PCDH9: variants seen among roughly 807,000 people sequenced by gnomAD.
The protein encoded by PCDH9 is protocadherin-9.
PCDH9 carries 24 observed loss-of-function variants against 70.6 expected under a neutral mutation model. The observed-to-expected ratio is 0.34, with a 90% CI of 0.25 to 0.48. The LOEUF (loss-of-function observed/expected upper bound fraction) is 0.48, where lower values mean the gene tolerates loss of function less well. Among genes scored for constraint, PCDH9 ranks in the 20% least tolerant of loss-of-function variants. The pLI, the probability that PCDH9 is intolerant of heterozygous loss-of-function variation, is 0.99. For synonymous variants in PCDH9, 562 were observed against 558.5 expected, an observed-to-expected ratio of 1.01 and a Z score of -0.09; for missense variants, 1,281 against 1,503.6, an observed-to-expected ratio of 0.85 and a Z score of 2.45.
intron 4 of PCDH9, among the ~76,000 whole-genome samples, chr13:66,576,954 A>C (rs952551331): frequency 1.3e-5 from 2 of 152,028 alleles, no homozygotes; most frequent in Non-Finnish European, 2.9e-5. Flanking sequence ...CTATAATATC[A>C]AACTATATAT....
intron 3 of PCDH9, among the ~76,000 whole-genome samples, chr13:66,661,467 G>C (rs1187645261): frequency 2.0e-5 from 3 of 152,142 alleles, no homozygotes; most frequent in Admixed American, 6.6e-5. Flanking sequence ...TGTTTTCAAT[G>C]TGCGGCTTCA....
intron 4 of PCDH9, among the ~76,000 whole-genome samples, chr13:66,583,483 G>A (rs1014029339): frequency 1.3e-5 from 2 of 151,776 alleles, no homozygotes; most frequent in East Asian, 3.9e-4. Context: ...TTGGGGGGAC[G>A]CGCCTATAGT....
At chr13:66,812,669 C>T (rs551581847) in intron 3 of PCDH9, among the ~76,000 whole-genome samples, 9 of 152,250 alleles carry the variant, frequency 5.9e-5, no homozygotes, top group African/African-American at 9.6e-5. Flanking sequence ...TCTAGGTATG[C>T]AATGTTGTTT....
At chr13:67,074,781 T>C (rs2085844551) in intron 2 of PCDH9, among the ~76,000 whole-genome samples, 1 of 152,094 alleles carries the variant, frequency 6.6e-6, no homozygotes, top group Non-Finnish European at 1.5e-5. Flanking sequence ...AAACAAGAAT[T>C]ATACAAGCAT....
intron 2 of PCDH9, among the ~76,000 whole-genome samples, chr13:66,956,930 T>C (rs1195280462): frequency 6.6e-6 from 1 of 152,172 alleles, no homozygotes; most frequent in Non-Finnish European, 1.5e-5. Flanking sequence ...TATGAGGCAT[T>C]TGAAACCCTG....
At chr13:67,113,913 G>A (rs1158047322) in intron 2 of PCDH9, among the ~76,000 whole-genome samples, 5 of 152,130 alleles carry the variant, frequency 3.3e-5, no homozygotes, top group Admixed American at 3.3e-4. Context: ...TTCTTTTACC[G>A]GCTGGAGCTA....
At chr13:66,477,319 T>C (rs899233517) in intron 4 of PCDH9, among the ~76,000 whole-genome samples, 1 of 152,160 alleles carries the variant, frequency 6.6e-6, no homozygotes, top group African/African-American at 2.4e-5. Context: ...TAATATCTAA[T>C]TAATACGATT....
intron 2 of PCDH9, chr13:67,224,043 C>A (rs1161345306): frequency 6.6e-6 from 1 of 152,078 alleles, no homozygotes; most frequent in African/African-American, 2.4e-5. Context: ...TCCTACTTCA[C>A]CCCACCCTCA....
At chr13:66,854,623 CT>C (rs369097579) in intron 3 of PCDH9, among the ~76,000 whole-genome samples, 5,092 of 148,104 alleles carry the variant, frequency 0.034, 266 homozygotes, top group African/African-American at 0.11. Context: ...TTTAGTGCCA[CT>C]TTTTTTTTTG....
chr13:66,469,494 G>A (rs1366404239), intron 4 of PCDH9, among the ~76,000 whole-genome samples: 1 of 150,700 alleles, frequency 6.6e-6, no homozygotes, highest in African/African-American at 2.4e-5. Context: ...GGAATAGAAG[G>A]AGGGAAGAAG....
intron 3 of PCDH9, among the ~76,000 whole-genome samples, chr13:66,830,665 A>T (rs967860560): frequency 6.6e-6 from 1 of 152,188 alleles, no homozygotes; most frequent in African/African-American, 2.4e-5. Context: ...AGTTCTAATA[A>T]ATTCAACATG....
intron 4 of PCDH9, among the ~76,000 whole-genome samples, chr13:66,606,265 C>T (rs1020178769): frequency 3.9e-5 from 6 of 152,206 alleles, no homozygotes; most frequent in African/African-American, 1.4e-4. Flanking sequence ...CTCCTGAATA[C>T]ATGTAGAATT....
Position 67,226,476 on chromosome 13 carries a change from A to G in PCDH9, c.1965T>C (p.Arg655=), listed in dbSNP as rs1247139070. The G allele has an allele frequency of 1.2e-6, 2 of 1,613,920 alleles. No individual in the cohort carries two copies. Among genetic ancestry groups the G allele is most frequent in the Non-Finnish European group, 1.7e-6 (2 of 1,179,932 alleles). ...TGATAGTTACTTTTGCAGTAGAGGAACGAGGTGGTTGTCCTCCATCAGTGG... is the reference window on the plus strand; with the variant it reads ...TGATAGTTACTTTTGCAGTAGAGGAGCGAGGTGGTTGTCCTCCATCAGTGG... ...VKATDGGQPP[R]SSTAKVTINV... Residue 655 remains arginine (R), a synonymous_variant, in exon 2 of 5, where the codon CGT becomes CGC. Transcript: ENST00000377865. The surrounding 1 kb of genome is among the most constrained non-coding windows in gnomAD (Gnocchi z 5.0).
At chr13:66,814,544 G>A (rs2139367770) in intron 3 of PCDH9, among the ~76,000 whole-genome samples, 1 of 152,092 alleles carries the variant, frequency 6.6e-6, no homozygotes, top group East Asian at 1.9e-4. Context: ...ACCCATACCT[G>A]GAACAATCTT....
chr13:66,616,189 G>C (rs900532177), intron 4 of PCDH9, among the ~76,000 whole-genome samples: 1 of 152,128 alleles, frequency 6.6e-6, no homozygotes, highest in Non-Finnish European at 1.5e-5. Context: ...AAGAGGAGAG[G>C]AACATCCAAC....
At chr13:67,009,789 G>A in intron 2 of PCDH9, among the ~76,000 whole-genome samples, 1 of 150,470 alleles carries the variant, frequency 6.6e-6, no homozygotes, top group South Asian at 2.1e-4. Flanking sequence ...ATTTAGTTAA[G>A]TTTTTTTTTG....
intron 2 of PCDH9, chr13:66,985,806 G>A (rs201702145): frequency 6.6e-6 from 1 of 152,004 alleles, no homozygotes; most frequent in African/African-American, 2.4e-5. Flanking sequence ...TGGAGTTGGG[G>A]TGGATTATGC....
In PCDH9 at chr13:66,647,946, C is replaced by T. The variant is rs570303232; in HGVS notation, c.3139-16535G>A. On this transcript the variant is annotated intron_variant, in intron 3 of 4. Coordinates refer to ENST00000377865, the MANE Select transcript of PCDH9 (RefSeq NM_203487.3). Reference sequence around the variant, plus strand: ...ACCTGCTGTGGGCCTGGGGAAGAGACGGCCAGGGGGAGAAATTCTACTACT... The same window carrying T: ...ACCTGCTGTGGGCCTGGGGAAGAGATGGCCAGGGGGAGAAATTCTACTACT... Among the ~76,000 whole-genome samples, 277 of 151,996 alleles carry T rather than the reference C, an allele frequency of 1.8e-3. 1 individual carries two copies. Among genetic ancestry groups the T allele is most frequent in the Non-Finnish European group, 3.1e-3 (211 of 67,968 alleles).
rs146522147 is a variant in PCDH9, at chr13:67,225,075, C to T, written c.3036+330G>A. 3.4e-3 allele frequency: 3,970 copies of T among 1,154,418 alleles called. 5 individuals are homozygous for T. The highest frequency in any genetic ancestry group is 3.9e-3 in the Non-Finnish European group (3,622 of 938,384). 71.5% of individuals were successfully genotyped at this position (1,154,418 alleles called of 1,614,324 possible). ...AGTCTTGAAGCAGTCAATTTGGAAA[C>T]CCCCAGGAGCAGAATTTGGCATATC... On this transcript the variant is annotated intron_variant, in intron 2 of 4. Coordinates refer to ENST00000377865, the MANE Select transcript of PCDH9 (RefSeq NM_203487.3).
Sources: allele counts gnomAD v4.1 joint callset (sites outside exome capture counted in the v4.1 genomes callset), GRCh38; gene constraint gnomAD v4.1.1; non-coding constraint Gnocchi (gnomAD v3.1); transcripts MANE v1.5; gene names NCBI Gene and HGNC (gene_info 2026-07-23, HGNC 2026-07-21).